Variants in AMD1 observed in about 807,000 individuals in gnomAD.
AMD1 encodes the protein adenosylmethionine decarboxylase 1.
A neutral mutation model predicts 40.2 loss-of-function variants in AMD1; 11 were observed. The observed-to-expected ratio is 0.27, with a 90% CI of 0.17 to 0.45. The LOEUF (loss-of-function observed/expected upper bound fraction) is 0.45, where lower values mean the gene tolerates loss of function less well. Ranked by LOEUF, AMD1 falls within the 20% of genes least tolerant of loss-of-function variation. The pLI, the probability that AMD1 is intolerant of heterozygous loss-of-function variation, is 1.00. For missense variants in AMD1, 257 were observed against 410.2 expected, an observed-to-expected ratio of 0.63 and a Z score of 3.23; for synonymous variants, 121 against 130.8, an observed-to-expected ratio of 0.93 and a Z score of 0.51.
chr6:110,892,617 GT>G, intron 6 of AMD1, 117 bp from the exon 7 acceptor site: 1 of 1,393,960 alleles, frequency 7.2e-7, no homozygotes. Flanking sequence ...GTTAAGCCTA[GT>G]ACCCATTAGT....
intron 1 of AMD1, chr6:110,875,496 T>TGGGCGGC (rs1003313825): frequency 3.2e-6 from 1 of 311,072 alleles, no homozygotes; most frequent in African/African-American, 2.2e-5. Context: ...CGTCCCGCGC[T>TGGGCGGC]GGGCGGCGGG....
chr6:110,863,849 G>T, the AMD1 span: 1 of 417,084 alleles, frequency 2.4e-6, no homozygotes, highest in Admixed American at 2.7e-5. Context: ...TTGAAGGCCT[G>T]GTGAGAGACA....
At chr6:110,887,412 G>A in intron 1 of AMD1, 93 bp from the exon 2 acceptor site, 1 of 776,932 alleles carries the variant, frequency 1.3e-6, no homozygotes, top group East Asian at 2.7e-5. Context: ...AATTAAAAAT[G>A]TGGTCTTCAT....
intron 2 of AMD1, chr6:110,888,294 A>C (rs913269885): frequency 6.6e-6 from 1 of 151,960 alleles, no homozygotes; most frequent in Non-Finnish European, 1.5e-5. Flanking sequence ...TTGCTGGGGG[A>C]TACTGGACTA....
At chr6:110,857,661 T>C in the AMD1 span, among the ~76,000 whole-genome samples, 1 of 139,490 alleles carries the variant, frequency 7.2e-6, no homozygotes, top group Non-Finnish European at 1.5e-5. Context: ...AGATGGTATA[T>C]ATATATACAG....
At chr6:110,891,957 C>T (rs1187076481) in intron 4 of AMD1, 2 of 618,354 alleles carry the variant, frequency 3.2e-6, no homozygotes, top group East Asian at 2.7e-5. Context: ...TGGCCAGGCT[C>T]GAACTCTTGA....
At chr6:110,821,341 G>A in the AMD1 span, among the ~76,000 whole-genome samples, 51 of 152,286 alleles carry the variant, frequency 3.3e-4, no homozygotes, top group South Asian at 1.4e-3. Flanking sequence ...GCTCACGCCT[G>A]TAATCCCAGC....
the AMD1 span, among the ~76,000 whole-genome samples, chr6:110,866,599 T>C: frequency 2.3e-3 from 354 of 152,282 alleles, 7 homozygotes; most frequent in Non-Finnish European, 4.7e-4. Context: ...TACATGATCC[T>C]GTGAAAAGCT....
chr6:110,868,986 G>C, the AMD1 span, among the ~76,000 whole-genome samples: 1 of 151,774 alleles, frequency 6.6e-6, no homozygotes, highest in African/African-American at 2.4e-5. Context: ...CTTGAACCCG[G>C]GAGGCGGAGG....
At chr6:110,848,210 A>C in the AMD1 span, among the ~76,000 whole-genome samples, 2 of 151,970 alleles carry the variant, frequency 1.3e-5, no homozygotes, top group Non-Finnish European at 2.9e-5. Context: ...CTAATGTGAT[A>C]ATAAAGATAG....
At chr6:110,862,493 G>A in the AMD1 span, among the ~76,000 whole-genome samples, 2 of 147,180 alleles carry the variant, frequency 1.4e-5, no homozygotes, top group African/African-American at 5.0e-5. Context: ...TTGAGACAGA[G>A]TTTTGCTTTG....
At chr6:110,831,168 A>G in the AMD1 span, among the ~76,000 whole-genome samples, 8 of 151,952 alleles carry the variant, frequency 5.3e-5, no homozygotes, top group Admixed American at 2.0e-4. Flanking sequence ...GGCCAGGTGC[A>G]GTGGTTCACG....
At chr6:110,877,202 C>T (rs993925166) in intron 1 of AMD1, among the ~76,000 whole-genome samples, 1 of 152,220 alleles carries the variant, frequency 6.6e-6, no homozygotes, top group African/African-American at 2.4e-5. Context: ...GGACATGTAA[C>T]ATTCATTGAA....
chr6:110,889,036 T>C, intron 3 of AMD1, 53 bp downstream of exon 3: 1 of 1,593,094 alleles, frequency 6.3e-7, no homozygotes, highest in Non-Finnish European at 8.6e-7. Context: ...AGCGTTCTTA[T>C]CCTGTAATAT....
At chr6:110,885,175 G>A (rs1018515280) in intron 1 of AMD1, among the ~76,000 whole-genome samples, 3 of 152,150 alleles carry the variant, frequency 2.0e-5, no homozygotes, top group Non-Finnish European at 4.4e-5. Context: ...GGAATGCAGT[G>A]GTGCGATCTC....
chr6:110,829,249 C>T, the AMD1 span, among the ~76,000 whole-genome samples: 3 of 151,580 alleles, frequency 2.0e-5, no homozygotes, highest in Admixed American at 6.6e-5. Flanking sequence ...AATGAATTTT[C>T]GGCTGAGTGC....
chr6:110,888,802 C>T, intron 2 of AMD1, 55 bp from the exon 3 acceptor site: 2 of 1,521,232 alleles, frequency 1.3e-6, no homozygotes, highest in Non-Finnish European at 8.9e-7. Context: ...TGGTTGATTG[C>T]ACCCTCAGTA....
At chr6:110,892,021 C>A in intron 4 of AMD1, 140 bp from the exon 5 acceptor site, 1 of 1,004,188 alleles carries the variant, frequency 1.0e-6, no homozygotes, top group Non-Finnish European at 1.5e-6. Flanking sequence ...TAGACATGAG[C>A]TACTATGCCC....
At chr6:110,844,783 G>GAAA in the AMD1 span, among the ~76,000 whole-genome samples, 1 of 141,274 alleles carries the variant, frequency 7.1e-6, no homozygotes, top group Non-Finnish European at 1.5e-5. Flanking sequence ...CTGCATTTCA[G>GAAA]AAAAAAAAAA....
Sources: gnomAD v4.1 joint callset for allele counts (sites outside exome capture counted in the v4.1 genomes callset) on GRCh38, gnomAD v4.1.1 for gene constraint, MANE v1.5 for transcripts, NCBI Gene and HGNC (gene_info 2026-07-23, HGNC 2026-07-21) for gene names.